Variants in GALNT13 observed in about 807,000 individuals in gnomAD.
The protein encoded by GALNT13 is polypeptide N-acetylgalactosaminyltransferase 13, also known as UDP-GalNAc:polypeptide N-acetylgalactosaminyltransferase 13.
Under a neutral mutation model 64.2 loss-of-function variants are expected in GALNT13, and 28 were observed. The ratio of observed to expected loss-of-function variants is 0.44; its 90% confidence interval spans 0.32 to 0.60. The LOEUF (loss-of-function observed/expected upper bound fraction) is 0.60, where lower values mean the gene tolerates loss of function less well. GALNT13 is among the 20% of genes least tolerant of loss of function. GALNT13 has a pLI of 0.05. For synonymous variants in GALNT13, 214 were observed against 224.6 expected (o/e 0.95, Z 0.42); for missense variants, 577 against 669.8 (o/e 0.86, Z 1.53).
the GALNT13 span, among the ~76,000 whole-genome samples, chr2:153,693,988 G>C: frequency 6.6e-6 from 1 of 152,040 alleles, no homozygotes; most frequent in Admixed American, 6.6e-5. Flanking sequence ...GGCACCTGTA[G>C]TTCCAGCTAC....
At chr2:153,436,559 G>A in the GALNT13 span, among the ~76,000 whole-genome samples, 1 of 152,186 alleles carries the variant, frequency 6.6e-6, no homozygotes, top group Non-Finnish European at 1.5e-5. Context: ...AGTCTTGGGA[G>A]GGTGTATGTG....
chr2:154,033,259 C>A (rs779846592), intron 3 of GALNT13, among the ~76,000 whole-genome samples: 1 of 151,664 alleles, frequency 6.6e-6, no homozygotes, highest in Non-Finnish European at 1.5e-5. Flanking sequence ...ACTTGGAGTT[C>A]AACAAATTCT....
At chr2:154,205,484 A>G (rs1687390215) in intron 4 of GALNT13, among the ~76,000 whole-genome samples, 1 of 152,232 alleles carries the variant, frequency 6.6e-6, no homozygotes, top group African/African-American at 2.4e-5. Flanking sequence ...AACATGAATT[A>G]TATATTGAAA....
At chr2:154,356,723 ATATT>A (rs772189779) in intron 9 of GALNT13, among the ~76,000 whole-genome samples, 1 of 152,010 alleles carries the variant, frequency 6.6e-6, no homozygotes, top group Non-Finnish European at 1.5e-5. Context: ...ATTCTAATCC[ATATT>A]TATTTGTTTC....
the GALNT13 span, among the ~76,000 whole-genome samples, chr2:153,555,610 G>T: frequency 6.6e-6 from 1 of 152,186 alleles, no homozygotes; most frequent in Non-Finnish European, 1.5e-5. Context: ...CTACTATCTT[G>T]TGAGGTGGTT....
intron 4 of GALNT13, among the ~76,000 whole-genome samples, chr2:154,164,580 A>G (rs1163490038): frequency 6.6e-6 from 1 of 152,142 alleles, no homozygotes; most frequent in Non-Finnish European, 1.5e-5. Context: ...ATTCAGGAGA[A>G]CAAACTCTGT....
At chr2:153,550,011 A>G in the GALNT13 span, among the ~76,000 whole-genome samples, 2 of 152,154 alleles carry the variant, frequency 1.3e-5, no homozygotes, top group Non-Finnish European at 2.9e-5. Flanking sequence ...ATTTCATGGG[A>G]TAGGTCCAAA....
chr2:153,919,703 G>A (rs1689624128), intron 2 of GALNT13, among the ~76,000 whole-genome samples: 1 of 151,606 alleles, frequency 6.6e-6, no homozygotes, highest in Non-Finnish European at 1.5e-5. Flanking sequence ...TCCAAGTTGT[G>A]TTAACAAATT....
At chr2:153,390,429 C>T in the GALNT13 span, among the ~76,000 whole-genome samples, 684 of 151,990 alleles carry the variant, frequency 4.5e-3, 6 homozygotes, top group African/African-American at 0.015. Flanking sequence ...ACTGAATGTT[C>T]TGCACATGTA....
chr2:153,277,539 T>C, the GALNT13 span, among the ~76,000 whole-genome samples: 1 of 152,110 alleles, frequency 6.6e-6, no homozygotes, highest in African/African-American at 2.4e-5. Flanking sequence ...TTTGGTAGAG[T>C]AATTTATTTA....
At chr2:154,426,199 T>C (rs1201077434) in intron 11 of GALNT13, among the ~76,000 whole-genome samples, 1 of 152,182 alleles carries the variant, frequency 6.6e-6, no homozygotes, top group Admixed American at 6.5e-5. Context: ...ACTGACTTCC[T>C]ATCTTTCTTT....
chr2:153,898,603 A>T (rs1467028733), intron 1 of GALNT13, among the ~76,000 whole-genome samples: 2 of 152,002 alleles, frequency 1.3e-5, no homozygotes, highest in Non-Finnish European at 1.5e-5. Flanking sequence ...TCATTCTTTC[A>T]CTTGATGATG....
chr2:153,826,104 T>G, the GALNT13 span, among the ~76,000 whole-genome samples: 2 of 152,174 alleles, frequency 1.3e-5, no homozygotes, highest in Non-Finnish European at 2.9e-5. Flanking sequence ...ATTTATTTTT[T>G]ATACTTCTGG....
chr2:154,033,089 TG>T (rs1698444167), intron 3 of GALNT13, among the ~76,000 whole-genome samples: 1 of 151,828 alleles, frequency 6.6e-6, no homozygotes, highest in African/African-American at 2.4e-5. Context: ...AATAGAGAAA[TG>T]TATTTTCAAT....
chr2:153,591,867 A>G, the GALNT13 span, among the ~76,000 whole-genome samples: 1 of 152,186 alleles, frequency 6.6e-6, no homozygotes, highest in Non-Finnish European at 1.5e-5. Context: ...AAGCAAAAGA[A>G]ATAATCAACA....
chr2:154,057,521 C>T (rs1448796793), intron 3 of GALNT13, among the ~76,000 whole-genome samples: 5 of 151,928 alleles, frequency 3.3e-5, no homozygotes, highest in Admixed American at 6.6e-5. Context: ...TAGCCGTTGC[C>T]CTGGAAAATT....
the GALNT13 span, among the ~76,000 whole-genome samples, chr2:153,432,031 C>T: frequency 6.6e-6 from 1 of 152,092 alleles, no homozygotes; most frequent in Admixed American, 6.6e-5. Flanking sequence ...TCTTGTATAA[C>T]ATCTTTAAAT....
At chr2:153,258,660 T>G in the GALNT13 span, among the ~76,000 whole-genome samples, 1 of 152,058 alleles carries the variant, frequency 6.6e-6, no homozygotes, top group African/African-American at 2.4e-5. Context: ...TTTTTTTCCA[T>G]TTTTTCATTT....
chr2:153,993,627 C>T (rs901962025), intron 3 of GALNT13, among the ~76,000 whole-genome samples: 4 of 139,492 alleles, frequency 2.9e-5, no homozygotes, highest in African/African-American at 8.0e-5. Flanking sequence ...ACTTGGGAGG[C>T]GAAGCTTGCA....
Sources: allele counts gnomAD v4.1 joint callset (sites outside exome capture counted in the v4.1 genomes callset), GRCh38; gene constraint gnomAD v4.1.1; transcripts MANE v1.5; gene names NCBI Gene and HGNC (gene_info 2026-07-23, HGNC 2026-07-21).